The following ATP1A3 variants were observed in gnomAD, a reference collection of about 807,000 sequenced individuals.
The protein encoded by ATP1A3 is ATPase Na+/K+ transporting subunit alpha 3, also known as sodium/potassium-transporting ATPase subunit alpha-3.
ATP1A3 carries 12 observed loss-of-function variants against 108.8 expected under a neutral mutation model. The observed-to-expected ratio is 0.11, with a 90% CI of 0.07 to 0.18. The LOEUF (loss-of-function observed/expected upper bound fraction) is 0.18, where lower values mean the gene tolerates loss of function less well. Among genes scored for constraint, ATP1A3 ranks in the 10% least tolerant of loss-of-function variants. ATP1A3 has a pLI of 1.00. For missense variants in ATP1A3, 498 were observed against 1,387.7 expected (o/e 0.36, Z 10.19); for synonymous variants, 539 against 564.5 (o/e 0.95, Z 0.64).
intron 16 of ATP1A3, among the ~76,000 whole-genome samples, chr19:41,975,257 T>C (rs1301440106): frequency 6.6e-6 from 1 of 152,220 alleles, no homozygotes; most frequent in African/African-American, 2.4e-5. Flanking sequence ...TTCACCATGT[T>C]AGCCAGGATG....
In ATP1A3 at chr19:41,981,288, C is replaced by T. The variant is rs1025456351; in HGVS notation, c.1437+214G>A. Among the ~76,000 whole-genome samples the T allele has an allele frequency of 6.6e-5, 10 of 151,996 alleles. No homozygotes were observed. Among genetic ancestry groups the T allele is most frequent in the African/African-American group, 1.7e-4 (7 of 41,392 alleles). On this transcript the variant is annotated intron_variant, in intron 11 of 22. Coordinates refer to ENST00000648268, the MANE Select transcript of ATP1A3 (RefSeq NM_152296.5). This position sits in a 1 kb window ranked among gnomAD's most constrained non-coding sequence, Gnocchi z 5.0. Reference sequence around the variant, plus strand: ...TTCTGGTGTTAAAGGTGTGAGCCACCGCGCCTGGCCTGCAGGAAGATCTTT... The same window carrying T: ...TTCTGGTGTTAAAGGTGTGAGCCACTGCGCCTGGCCTGCAGGAAGATCTTT...
At position 41,975,801 on chromosome 19, in the gene ATP1A3, G is replaced by GAGGGTGCAGGGTA. The variant is rs782804502; in HGVS notation, c.2095-5_2095-4insTACCCTGCACCCT. Reference sequence around the variant, plus strand: ...CGGTCACAGCCACAATTGCACCCTGGAGGGAGAGAGGGTAAGGATGACACC... The same window carrying GAGGGTGCAGGGTA: ...CGGTCACAGCCACAATTGCACCCTGGAGGGTGCAGGGTAAGGGAGAGAGGGTAAGGATGACACC... On this transcript the variant is annotated splice_polypyrimidine_tract_variant and splice_region_variant and intron_variant, in intron 15 of 22. Coordinates refer to ENST00000648268, the MANE Select transcript of ATP1A3 (RefSeq NM_152296.5). 1.5e-4 allele frequency: 243 copies of GAGGGTGCAGGGTA among 1,613,870 alleles called. No homozygotes were observed. Among genetic ancestry groups the GAGGGTGCAGGGTA allele is most frequent in the Non-Finnish European group, 1.9e-4 (230 of 1,179,960 alleles).
Position 41,968,880 on chromosome 19 carries a change from G to A in ATP1A3, c.2724C>T (p.Cys908=). 1 of 1,614,090 alleles carries A rather than the reference G, an allele frequency of 6.2e-7. No individual in the cohort carries two copies. Among genetic ancestry groups the A allele is most frequent in the South Asian group, 1.1e-5 (1 of 91,084 alleles). ...YEQRKVVEFT[C]HTAFFVSIVV... ...CGATGCTCACAAAGAAGGCCGTGTG[G>A]CAGGTGAACTCCACCACCTTCCTCT... Residue 908 remains cysteine (C), a synonymous_variant, in exon 20 of 23, where the codon TGC becomes TGT. Transcript: ENST00000648268. The surrounding 1 kb of genome is among the most constrained non-coding windows in gnomAD (Gnocchi z 5.0).
At chr19:41,993,277 G>T in intron 1 of ATP1A3, 1 of 1,059,974 alleles carries the variant, frequency 9.4e-7, no homozygotes, top group Non-Finnish European at 1.4e-6. Flanking sequence ...CTGCTGGAGA[G>T]ACTCACAGAC....
Position 41,979,010 on chromosome 19 carries a change from C to CT in ATP1A3, c.1438-213dup, listed in dbSNP as rs535260643. 3.9e-3 allele frequency among the ~76,000 whole-genome samples: 582 copies of CT among 148,302 alleles called. 3 individuals are homozygous for CT. Among genetic ancestry groups the CT allele is most frequent in the African/African-American group, 7.7e-3 (314 of 40,568 alleles). The stretch of plus-strand genomic sequence containing the variant: ...TTTTCTTTTTCTTTTTTTCTTTTTT[C>CT]TTTTTTTTTTGAGACAGAGTCTCGC... On this transcript the variant is annotated intron_variant, in intron 11 of 22. Coordinates refer to ENST00000648268, the MANE Select transcript of ATP1A3 (RefSeq NM_152296.5).
rs180749411 is a variant in ATP1A3, at chr19:41,970,314, C to T, written c.2419-6G>A. ...GCCAGTGAGATGGCAGGGACCTAGGCGGAGGAGGCCGGGTGAGCCGGAGAG... is the reference window on the plus strand; with the variant it reads ...GCCAGTGAGATGGCAGGGACCTAGGTGGAGGAGGCCGGGTGAGCCGGAGAG... On this transcript the variant is annotated splice_region_variant and splice_polypyrimidine_tract_variant and intron_variant, in intron 17 of 22. Transcript: ENST00000648268. 72 of 1,614,134 alleles carry T rather than the reference C, an allele frequency of 4.5e-5. No individual in the cohort carries two copies. In the Admixed American group the frequency reaches 4.7e-4, roughly 10 times the overall value.
rs879989315 is a variant in ATP1A3 at position 41,993,961 on chromosome 19, G to T, written c.6+110C>A. ...TCAGCCGGCTCCCCGGGTCTCGCAGGCCTGGCCCCGGAGCGCAGGGGTCCC... is the reference window on the plus strand; with the variant it reads ...TCAGCCGGCTCCCCGGGTCTCGCAGTCCTGGCCCCGGAGCGCAGGGGTCCC... On this transcript the variant is annotated intron_variant, in intron 1 of 22. Transcript: ENST00000648268. 42 of 1,549,366 alleles carry T rather than the reference G, an allele frequency of 2.7e-5. No homozygotes were observed. The African/African-American group carries it at 5.0e-4, about 18-fold the overall frequency.
chr19:41,973,485 G>A (rs1555860370), intron 16 of ATP1A3, among the ~76,000 whole-genome samples: 2 of 152,080 alleles, frequency 1.3e-5, no homozygotes, highest in African/African-American at 4.8e-5. Flanking sequence ...TGAACTCCTG[G>A]GCTCAAGCGA....
In ATP1A3 at chr19:41,977,885, G is replaced by C. The variant is rs782592677; in HGVS notation, c.1943+51C>G. 46 of 1,602,774 alleles carry C rather than the reference G, an allele frequency of 2.9e-5. No individual in the cohort carries two copies. In the East Asian group the frequency reaches 1.0e-3, roughly 36 times the overall value. ...GGTTGGGGGGAAGCGGTCCCCCTGT[G>C]TCAACACCCTAGAGGGATGTCCAGG... On this transcript the variant is annotated intron_variant, in intron 14 of 22. Coordinates refer to ENST00000648268, the MANE Select transcript of ATP1A3 (RefSeq NM_152296.5).
chr19:41,974,618 A>G (rs2075146752), intron 16 of ATP1A3, among the ~76,000 whole-genome samples: 1 of 152,230 alleles, frequency 6.6e-6, no homozygotes, highest in South Asian at 2.1e-4. Flanking sequence ...GACATTTCAA[A>G]TAGGAGAGAG....
intron 16 of ATP1A3, among the ~76,000 whole-genome samples, chr19:41,975,055 T>G (rs1369636845): frequency 7.0e-6 from 1 of 141,894 alleles, no homozygotes; most frequent in Non-Finnish European, 1.6e-5. Flanking sequence ...GGCTTGAGAA[T>G]TTTTTTTTTT....
At chr19:41,972,028 T>C (rs1555860030) in intron 16 of ATP1A3, among the ~76,000 whole-genome samples, 1 of 152,078 alleles carries the variant, frequency 6.6e-6, no homozygotes. Context: ...AGCAGGAGGA[T>C]TGCCTGAGAT....
Position 41,975,800 on chromosome 19 carries a change from G to A in ATP1A3, c.2095-3C>T, listed in dbSNP as rs782736392. On this transcript the variant is annotated splice_polypyrimidine_tract_variant and splice_region_variant and intron_variant, in intron 15 of 22. Transcript: ENST00000648268. ...CCGGTCACAGCCACAATTGCACCCT[G>A]GAGGGAGAGAGGGTAAGGATGACAC... is the stretch of plus-strand genomic sequence containing the variant. 1.9e-6 allele frequency: 3 copies of A among 1,613,860 alleles called. No individual in the cohort carries two copies. The highest frequency in any genetic ancestry group is 2.5e-6 in the Non-Finnish European group (3 of 1,179,840).
rs1243493194 is a variant in ATP1A3, at chr19:41,978,450, T to C, written c.1631-124A>G. On this transcript the variant is annotated intron_variant, in intron 12 of 22. Coordinates refer to ENST00000648268, the MANE Select transcript of ATP1A3 (RefSeq NM_152296.5). This position sits in a 1 kb window ranked among gnomAD's most constrained non-coding sequence, Gnocchi z 8.3. ...AGCAAGACGGCCAGTCAGCATTCAT[T>C]TCCTAGGATACCTTCCCCTCTCATC... 4 of 1,470,640 alleles carry C rather than the reference T, an allele frequency of 2.7e-6. No homozygotes were observed. The highest frequency in any genetic ancestry group is 3.7e-6 in the Non-Finnish European group (4 of 1,080,300). 91.1% of individuals were successfully genotyped at this position (1,470,640 alleles called of 1,614,324 possible). A position where few individuals can be genotyped will look rare whatever the true frequency, so the allele number is the denominator to read the frequency against.
In ATP1A3 at chr19:41,993,551, TGC is replaced by T. The variant is rs2075360514; in HGVS notation, c.6+518_6+519del. On this transcript the variant is annotated intron_variant, in intron 1 of 22. Transcript: ENST00000648268. ...CACACACACACACACACACACACAC[TGC>T]GGAGTCCCCCCATCCAGGCCTGGAA... 35 of 958,100 alleles carry T rather than the reference TGC, an allele frequency of 3.7e-5. No individual in the cohort carries two copies. The South Asian group carries it at 5.6e-4, about 15-fold the overall frequency. The allele number at this position is 958,100 out of a possible 1,614,324, so 59.3% of individuals were successfully genotyped here. A position where few individuals can be genotyped will look rare whatever the true frequency, so the allele number is the denominator to read the frequency against.
At chr19:41,984,876 C>A (rs1555864712) in intron 8 of ATP1A3, 42 bp downstream of exon 8, 3 of 1,587,772 alleles carry the variant, frequency 1.9e-6, no homozygotes, top group Admixed American at 3.6e-5. Context: ...GGAGCCCAGA[C>A]CCCCAGGCCC....
chr19:41,994,196 G>T lies in ATP1A3; in HGVS notation c.-120C>A, dbSNP rs1013783412. 8.1e-5 allele frequency: 74 copies of T among 917,960 alleles called. No homozygotes were observed. Among genetic ancestry groups the T allele is most frequent in the Admixed American group, 1.5e-4 (4 of 26,166 alleles). 56.9% of individuals were successfully genotyped at this position (917,960 alleles called of 1,614,324 possible). ...CGCGCCTCGGTAGGTGCGCGCGTCC[G>T]TCCGTCCGTCCGTTGGTCCCACCGC... On this transcript the variant is annotated 5_prime_UTR_variant, in exon 1 of 23. Transcript: ENST00000648268.
chr19:41,969,615 C>T, intron 18 of ATP1A3, 35 bp from the exon 19 acceptor site: 2 of 1,612,054 alleles, frequency 1.2e-6, no homozygotes, highest in Middle Eastern at 1.7e-4. Context: ...AGGAGAGGCT[C>T]AGATTGGGGC....
rs1599716008 is a variant in ATP1A3 at position 41,978,754 on chromosome 19, C to A, written c.1482G>T (p.Leu494=). Residue 494 remains leucine, a synonymous_variant, in exon 12 of 23, where the codon CTG becomes CTT. Transcript: ENST00000648268. This position sits in a 1 kb window ranked among gnomAD's most constrained non-coding sequence, Gnocchi z 8.3. ...ETEDPNDNRY[L]LVMKGAPERI... ...GCTCGGGGGCACCCTTCATCACCAG[C>A]AGGTATCGGTTGTCGTTGGGGTCCT... 1 of 1,614,088 alleles carries A rather than the reference C, an allele frequency of 6.2e-7. No homozygotes were observed. The highest frequency in any genetic ancestry group is 2.2e-5 in the East Asian group (1 of 44,866).
Sources: gnomAD v4.1 joint callset for allele counts (sites outside exome capture counted in the v4.1 genomes callset) on GRCh38, gnomAD v4.1.1 for gene constraint, Gnocchi (gnomAD v3.1) non-coding constraint, MANE v1.5 for transcripts, NCBI Gene and HGNC (gene_info 2026-07-23, HGNC 2026-07-21) for gene names.